TMPRSS15: variants seen among roughly 807,000 people sequenced by gnomAD.
TMPRSS15 encodes the protein enteropeptidase.
A neutral mutation model predicts 125.3 loss-of-function variants in TMPRSS15; 128 were observed. That is an observed-to-expected ratio of 1.02 (90% CI 0.89 to 1.18). TMPRSS15 has a LOEUF of 1.18. Among genes scored for constraint, TMPRSS15 ranks in the 50% most tolerant of loss-of-function variants. The pLI is 0.00. For missense variants in TMPRSS15, 1,283 were observed against 1,212.7 expected, an observed-to-expected ratio of 1.06 and a Z score of -0.86; for synonymous variants, 446 against 423.2, an observed-to-expected ratio of 1.05 and a Z score of -0.66.
chr21:18,346,252 T>C (rs909086979), intron 10 of TMPRSS15, among the ~76,000 whole-genome samples: 1 of 152,180 alleles, frequency 6.6e-6, no homozygotes, highest in African/African-American at 2.4e-5. Flanking sequence ...TAATTGTCCT[T>C]AAATTTCATC....
At chr21:18,304,832 G>A (rs2075012760) in intron 18 of TMPRSS15, among the ~76,000 whole-genome samples, 1 of 152,008 alleles carries the variant, frequency 6.6e-6, no homozygotes, top group South Asian at 2.1e-4. Flanking sequence ...TTGTAGTTCT[G>A]TGTGTTTTAG....
At chr21:18,345,513 G>GGGC in intron 10 of TMPRSS15, among the ~76,000 whole-genome samples, 1 of 151,368 alleles carries the variant, frequency 6.6e-6, no homozygotes, top group Admixed American at 6.6e-5. Flanking sequence ...AGGCCGAGGC[G>GGGC]GGCGGATCAC....
At chr21:18,424,666 C>T (rs1236579483) in intron 1 of TMPRSS15, among the ~76,000 whole-genome samples, 2 of 151,514 alleles carry the variant, frequency 1.3e-5, no homozygotes, top group African/African-American at 2.4e-5. Context: ...CAAAAGGAGC[C>T]GGGGGAAAAA....
chr21:18,470,809 G>C (rs1978764347), intron 1 of TMPRSS15, among the ~76,000 whole-genome samples: 1 of 151,968 alleles, frequency 6.6e-6, no homozygotes, highest in Non-Finnish European at 1.5e-5. Flanking sequence ...AAACAAGAGA[G>C]CCTCAAAATA....
intron 16 of TMPRSS15, among the ~76,000 whole-genome samples, chr21:18,322,248 A>G (rs9974453): frequency 0.56 from 85,612 of 151,990 alleles, 24,638 homozygotes; most frequent in African/African-American, 0.67. Context: ...GGGAACATTT[A>G]TACACCTTTG....
rs373896507 is a variant in TMPRSS15, at chr21:18,445,200, T to C, written c.10+40599A>G. ...AAAAATCCATTCTTGCATTGGTATA[T>C]ACCACATTTTTTTTTTTTTTTTGAG... On this transcript the variant is annotated intron_variant, in intron 1 of 7. Coordinates refer to the TMPRSS15 transcript ENST00000422787. Among the ~76,000 whole-genome samples the C allele has an allele frequency of 2.9e-5, 3 of 102,248 alleles. No homozygotes were observed. In the South Asian group the frequency reaches 1.3e-3, roughly 43 times the overall value. 67.1% of individuals were successfully genotyped at this position (102,248 alleles called of 152,430 possible).
In TMPRSS15 at chr21:18,312,966, A is replaced by G; in HGVS notation, c.2144T>C (p.Val715Ala). ...ENWTTQISND[V>A]CQLLGLGSGN... ...TTACCCTAGTCCCAGCAGTTGACAA[A>G]CATCATTTGAAATCTGGGTGGTCCA... is the stretch of plus-strand genomic sequence containing the variant. Residue 715 changes from valine (V) to alanine (A), a missense_variant, in exon 18 of 25, where the codon GTT becomes GCT. Transcript: ENST00000284885. 6.2e-7 allele frequency: 1 copy of G among 1,613,980 alleles called. No homozygotes were observed. The highest frequency in any genetic ancestry group is 8.5e-7 in the Non-Finnish European group (1 of 1,179,878).
In TMPRSS15 at chr21:18,375,841, C is replaced by T. The variant is rs547924290; in HGVS notation, c.532+3442G>A. Among the ~76,000 whole-genome samples, 4 of 152,252 alleles carry T rather than the reference C, an allele frequency of 2.6e-5. No homozygotes were observed. The East Asian group carries it at 5.8e-4, about 22-fold the overall frequency. On this transcript the variant is annotated intron_variant, in intron 5 of 24. Coordinates refer to ENST00000284885, the MANE Select transcript of TMPRSS15 (RefSeq NM_002772.3). The stretch of plus-strand genomic sequence containing the variant: ...GATTTGACATTAGGAACCTCCTGTG[C>T]CTACGGAGAGCAGGCTCTGTGCTAG...
intron 1 of TMPRSS15, among the ~76,000 whole-genome samples, chr21:18,465,406 G>A (rs1465574647): frequency 2.0e-5 from 3 of 152,166 alleles, no homozygotes; most frequent in African/African-American, 4.8e-5. Context: ...AGAAGTTCTT[G>A]CCAGGGAAAT....
chr21:18,421,120 C>G (rs1344040217), intron 1 of TMPRSS15, among the ~76,000 whole-genome samples: 1 of 152,096 alleles, frequency 6.6e-6, no homozygotes, highest in Admixed American at 6.5e-5. Flanking sequence ...CACTATACCA[C>G]TAATATTGGA....
chr21:18,477,363 T>C (rs1978900430), intron 1 of TMPRSS15: 1 of 152,146 alleles, frequency 6.6e-6, no homozygotes, highest in Admixed American at 6.6e-5. Context: ...CTCTAGGCTG[T>C]TCTGCATTTT....
At chr21:18,288,576 T>C (rs975194560) in intron 21 of TMPRSS15, among the ~76,000 whole-genome samples, 51 of 142,894 alleles carry the variant, frequency 3.6e-4, no homozygotes, top group African/African-American at 1.2e-3. Context: ...TGTGTTGCTC[T>C]GTCTCCCAGG....
chr21:18,374,985 G>A (rs2075829293), intron 5 of TMPRSS15, among the ~76,000 whole-genome samples: 1 of 152,214 alleles, frequency 6.6e-6, no homozygotes, highest in African/African-American at 2.4e-5. Context: ...TCGCAATAGT[G>A]ATTATGAGAT....
At chr21:18,280,189 C>G (rs909980845) in intron 22 of TMPRSS15, among the ~76,000 whole-genome samples, 1 of 152,186 alleles carries the variant, frequency 6.6e-6, no homozygotes, top group Non-Finnish European at 1.5e-5. Flanking sequence ...ATAAAATTCA[C>G]TTTATCAGGG....
chr21:18,335,182 TCTAA>T (rs1450062127), intron 13 of TMPRSS15, among the ~76,000 whole-genome samples: 1 of 152,208 alleles, frequency 6.6e-6, no homozygotes, highest in Non-Finnish European at 1.5e-5. Context: ...GGAGGGAATG[TCTAA>T]CTAACTTCAG....
chr21:18,346,331 C>G (rs2824754), intron 10 of TMPRSS15, among the ~76,000 whole-genome samples: 87,083 of 151,858 alleles, frequency 0.57, 25,123 homozygotes, highest in East Asian at 0.76. Context: ...AGAAATTATT[C>G]TATTCCAAGG....
chr21:18,380,837 G>T (rs2075886671), intron 4 of TMPRSS15, among the ~76,000 whole-genome samples: 1 of 152,040 alleles, frequency 6.6e-6, no homozygotes, highest in Non-Finnish European at 1.5e-5. Flanking sequence ...ATTTAAGAAA[G>T]ATATCCGTTT....
intron 1 of TMPRSS15, among the ~76,000 whole-genome samples, chr21:18,413,358 T>TCCTTC (rs1555911479): frequency 1.8e-4 from 25 of 138,960 alleles, no homozygotes; most frequent in African/African-American, 6.2e-4. Flanking sequence ...CTTCCTTCCT[T>TCCTTC]CCTTTCCTTC....
At position 18,343,354 on chromosome 21, in the gene TMPRSS15, C is replaced by T. The variant is rs896093496; in HGVS notation, c.1428+152G>A. 7 of 696,180 alleles carry T rather than the reference C, an allele frequency of 1.0e-5. No individual in the cohort carries two copies. The South Asian group carries it at 1.4e-4, about 14-fold the overall frequency. 43.1% of individuals were successfully genotyped at this position (696,180 alleles called of 1,614,324 possible). On this transcript the variant is annotated intron_variant, in intron 12 of 24. Transcript: ENST00000284885. ...CTATTGAATAAATAAAAATAAAATA[C>T]TCCAAGGTAAAATGTGAGGTAGATT...
Sources: allele counts gnomAD v4.1 joint callset (sites outside exome capture counted in the v4.1 genomes callset), GRCh38; gene constraint gnomAD v4.1.1; transcripts MANE v1.5; gene names NCBI Gene and HGNC (gene_info 2026-07-23, HGNC 2026-07-21).